DLG2: variants seen among roughly 807,000 people sequenced by gnomAD.
The protein encoded by DLG2 is discs large MAGUK scaffold protein 2.
A neutral mutation model predicts 132.5 loss-of-function variants in DLG2; 45 were observed. The ratio of observed to expected loss-of-function variants is 0.34; its 90% confidence interval spans 0.27 to 0.44. The LOEUF is 0.44. Among genes scored for constraint, DLG2 ranks in the 20% least tolerant of loss-of-function variants. The pLI is 1.00. For synonymous variants in DLG2, 424 were observed against 419.6 expected (o/e 1.01, Z -0.13); for missense variants, 1,045 against 1,196.9 (o/e 0.87, Z 1.87).
chr11:85,228,395 G>A (rs1267151492), intron 4 of DLG2, among the ~76,000 whole-genome samples: 4 of 152,224 alleles, frequency 2.6e-5, no homozygotes, highest in Middle Eastern at 3.4e-3. Flanking sequence ...AATCATGGAA[G>A]CAAGCATAAG....
At chr11:84,401,469 T>G (rs553533053) in intron 7 of DLG2, among the ~76,000 whole-genome samples, 2 of 152,192 alleles carry the variant, frequency 1.3e-5, no homozygotes, top group East Asian at 1.9e-4. Flanking sequence ...GTTAGCAGAG[T>G]GCCTAACGTG....
intron 6 of DLG2, among the ~76,000 whole-genome samples, chr11:84,673,166 A>T (rs1057497401): frequency 3.9e-5 from 6 of 152,114 alleles, no homozygotes; most frequent in Non-Finnish European, 8.8e-5. Flanking sequence ...AAACCGTATC[A>T]CCTGGACATG....
chr11:84,194,400 C>T (rs1477135435), intron 8 of DLG2, among the ~76,000 whole-genome samples: 1 of 152,146 alleles, frequency 6.6e-6, no homozygotes, highest in Non-Finnish European at 1.5e-5. Context: ...AGGCTGCAGA[C>T]CTTCATGGTG....
chr11:83,527,216 A>C (rs1396561540), intron 21 of DLG2, among the ~76,000 whole-genome samples: 1 of 152,190 alleles, frequency 6.6e-6, no homozygotes, highest in African/African-American at 2.4e-5. Context: ...AGGTTTTGAC[A>C]AAGCTAAACC....
intron 8 of DLG2, among the ~76,000 whole-genome samples, chr11:84,239,745 A>G (rs1472698344): frequency 6.6e-6 from 1 of 152,202 alleles, no homozygotes; most frequent in Non-Finnish European, 1.5e-5. Flanking sequence ...GCTAGTCTGT[A>G]TAGATATAGT....
chr11:84,808,520 C>A (rs562900832), intron 6 of DLG2, among the ~76,000 whole-genome samples: 166 of 151,966 alleles, frequency 1.1e-3, no homozygotes, highest in African/African-American at 3.9e-3. Flanking sequence ...ATCAATGAAA[C>A]AAAGAATTTG....
At chr11:83,506,678 C>T (rs1265799287) in intron 21 of DLG2, among the ~76,000 whole-genome samples, 2 of 152,146 alleles carry the variant, frequency 1.3e-5, no homozygotes, top group Non-Finnish European at 2.9e-5. Context: ...GATGTTGACA[C>T]TACTGGGGAT....
intron 17 of DLG2, among the ~76,000 whole-genome samples, chr11:83,829,912 A>T (rs986102671): frequency 9.2e-5 from 14 of 151,980 alleles, no homozygotes; most frequent in Non-Finnish European, 1.6e-4. Context: ...CCACCATACG[A>T]CAGGCCCCGG....
At chr11:83,537,075 T>C (rs770439102) in intron 20 of DLG2, among the ~76,000 whole-genome samples, 2 of 152,164 alleles carry the variant, frequency 1.3e-5, no homozygotes, top group Non-Finnish European at 2.9e-5. Flanking sequence ...AAGCAATTAA[T>C]TAGATTGTTT....
intron 15 of DLG2, among the ~76,000 whole-genome samples, chr11:83,918,850 A>T (rs2077368649): frequency 6.6e-6 from 1 of 152,122 alleles, no homozygotes; most frequent in Non-Finnish European, 1.5e-5. Context: ...CAAAAAAAAA[A>T]AGTCTTTGTA....
chr11:84,882,573 A>C (rs1390524870), intron 6 of DLG2, among the ~76,000 whole-genome samples: 1 of 152,064 alleles, frequency 6.6e-6, no homozygotes, highest in Non-Finnish European at 1.5e-5. Flanking sequence ...TGGAGATAAG[A>C]GAAATATCTA....
intron 12 of DLG2, among the ~76,000 whole-genome samples, chr11:83,975,397 A>T (rs71465578): frequency 0.043 from 6,474 of 152,120 alleles, 198 homozygotes; most frequent in Non-Finnish European, 0.067. Flanking sequence ...TCTAAGTGAC[A>T]AAGGAAATTT....
At chr11:85,206,187 T>G (rs2081880132) in intron 4 of DLG2, among the ~76,000 whole-genome samples, 1 of 152,160 alleles carries the variant, frequency 6.6e-6, no homozygotes. Context: ...CCCTTCGCCT[T>G]CTGCCATGAT....
intron 17 of DLG2, among the ~76,000 whole-genome samples, chr11:83,799,152 G>T (rs1048267542): frequency 3.3e-5 from 5 of 152,206 alleles, no homozygotes; most frequent in African/African-American, 1.2e-4. Flanking sequence ...ATACTTATGT[G>T]GGTAACAGGG....
intron 21 of DLG2, among the ~76,000 whole-genome samples, chr11:83,491,115 ATGTT>A (rs3039334): frequency 0.19 from 28,108 of 150,496 alleles, 2,796 homozygotes; most frequent in Middle Eastern, 0.21. Flanking sequence ...AGCAGGAAAA[ATGTT>A]TGTTTCCTTT....
At chr11:84,698,130 A>T (rs1013776102) in intron 6 of DLG2, among the ~76,000 whole-genome samples, 31 of 151,618 alleles carry the variant, frequency 2.0e-4, no homozygotes, top group Non-Finnish European at 4.1e-4. Context: ...AAAATACACA[A>T]TAGTTCTTGG....
At chr11:83,591,041 C>T (rs1447773135) in intron 19 of DLG2, among the ~76,000 whole-genome samples, 4 of 152,300 alleles carry the variant, frequency 2.6e-5, no homozygotes, top group Admixed American at 6.5e-5. Context: ...GATGGATTCA[C>T]AGCCGAATTC....
chr11:84,063,855 T>C (rs1370773184), intron 10 of DLG2, among the ~76,000 whole-genome samples: 3 of 149,230 alleles, frequency 2.0e-5, no homozygotes, highest in Non-Finnish European at 4.4e-5. Flanking sequence ...CAGCAAACTA[T>C]CACAAGGACC....
intron 18 of DLG2, among the ~76,000 whole-genome samples, chr11:83,770,225 C>A (rs1436061026): frequency 6.9e-6 from 1 of 144,516 alleles, no homozygotes; most frequent in Non-Finnish European, 1.5e-5. Context: ...TCTTGTCTTT[C>A]CTCCTACCTT....
Sources: gnomAD v4.1 joint callset for allele counts (sites outside exome capture counted in the v4.1 genomes callset) on GRCh38, gnomAD v4.1.1 for gene constraint, MANE v1.5 for transcripts, NCBI Gene and HGNC (gene_info 2026-07-23, HGNC 2026-07-21) for gene names.